The following GCNT2 variants were observed in gnomAD, a reference collection of about 807,000 sequenced individuals.
The protein encoded by GCNT2 is N-acetyllactosaminide beta-1,6-N-acetylglucosaminyl-transferase.
GCNT2 carries 34 observed loss-of-function variants against 34.2 expected under a neutral mutation model. The observed-to-expected ratio is 1.00, with a 90% CI of 0.76 to 1.32. The LOEUF is 1.32. Among genes scored for constraint, GCNT2 ranks in the 40% most tolerant of loss-of-function variants. The pLI is 0.00. For synonymous variants in GCNT2, 212 were observed against 188.0 expected (o/e 1.13, Z -1.04); for missense variants, 584 against 489.4 (o/e 1.19, Z -1.82).
chr6:10,569,225 A>C (rs1581420996), intron 3 of GCNT2, among the ~76,000 whole-genome samples: 49 of 130,632 alleles, frequency 3.8e-4, no homozygotes, highest in South Asian at 4.9e-4. Flanking sequence ...CCTGCCACCC[A>C]CTCCCCCCGC....
At chr6:10,616,897 G>A (rs574040777) in intron 3 of GCNT2, among the ~76,000 whole-genome samples, 1 of 152,302 alleles carries the variant, frequency 6.6e-6, no homozygotes, top group South Asian at 2.1e-4. Context: ...TACAAACCTT[G>A]AGCTAGAGAC....
At chr6:10,615,096 G>A (rs770419035) in intron 3 of GCNT2, among the ~76,000 whole-genome samples, 4 of 152,192 alleles carry the variant, frequency 2.6e-5, no homozygotes, top group African/African-American at 4.8e-5. Flanking sequence ...AGTGAGAATA[G>A]TTAGTAAGAG....
intron 3 of GCNT2, among the ~76,000 whole-genome samples, chr6:10,539,328 T>C (rs1761932275): frequency 6.6e-6 from 1 of 151,834 alleles, no homozygotes; most frequent in Admixed American, 6.6e-5. Context: ...TTGCTGGGAT[T>C]ACAGGTATGC....
intron 3 of GCNT2, chr6:10,586,548 G>C: frequency 6.2e-7 from 1 of 1,614,050 alleles, no homozygotes; most frequent in South Asian, 1.1e-5. Context: ...CTGGAAGTAC[G>C]TCATCAACAC....
intron 3 of GCNT2, among the ~76,000 whole-genome samples, chr6:10,585,208 GTCT>G (rs1388886782): frequency 2.0e-5 from 3 of 152,090 alleles, no homozygotes; most frequent in Admixed American, 2.0e-4. Context: ...AAGAGACAGG[GTCT>G]CACTGTCGCC....
Position 10,564,600 on chromosome 6 carries a change from C to CT in GCNT2, c.925+34765dup, listed in dbSNP as rs374265015. On this transcript the variant is annotated intron_variant, in intron 3 of 4. Transcript: ENST00000495262. ...GGCACAGATGGCAGAAGCCTGGACC[C>CT]TGCAGCCAGATGGCCTGAATGTGAA... 4.3e-3 allele frequency among the ~76,000 whole-genome samples: 652 copies of CT among 152,348 alleles called. 6 individuals are homozygous for CT. The highest frequency in any genetic ancestry group is 0.015 in the African/African-American group (629 of 41,576).
intron 3 of GCNT2, chr6:10,555,648 C>T: frequency 3.2e-6 from 2 of 623,022 alleles, no homozygotes; most frequent in African/African-American, 2.0e-5. Context: ...GAGAGGGGTT[C>T]GTTTCAGAGT....
intron 3 of GCNT2, among the ~76,000 whole-genome samples, chr6:10,582,403 A>C (rs1195030980): frequency 1.6e-5 from 2 of 124,388 alleles, no homozygotes; most frequent in Non-Finnish European, 3.1e-5. Context: ...TACTATAATA[A>C]ATAGTATAAT....
At chr6:10,532,602 G>T (rs1389848118) in intron 3 of GCNT2, among the ~76,000 whole-genome samples, 2 of 152,230 alleles carry the variant, frequency 1.3e-5, no homozygotes, top group East Asian at 1.9e-4. Flanking sequence ...CTTCCAAGAG[G>T]CTGGGACTAC....
chr6:10,533,829 ATGT>A (rs1761625753), intron 3 of GCNT2, among the ~76,000 whole-genome samples: 1 of 135,074 alleles, frequency 7.4e-6, no homozygotes, highest in African/African-American at 2.7e-5. Context: ...AAAAAAAAGA[ATGT>A]ATTTTATTTA....
At chr6:10,608,379 T>TA (rs1237072379) in intron 3 of GCNT2, among the ~76,000 whole-genome samples, 1 of 152,256 alleles carries the variant, frequency 6.6e-6, no homozygotes, top group East Asian at 1.9e-4. Flanking sequence ...CGCCTGGCGA[T>TA]ATGCACATTT....
At chr6:10,595,681 GAAAA>G (rs71548852) in intron 3 of GCNT2, among the ~76,000 whole-genome samples, 64 of 151,944 alleles carry the variant, frequency 4.2e-4, no homozygotes, top group African/African-American at 1.4e-3. Context: ...GCCAAGATCT[GAAAA>G]AAAATGAGAG....
intron 3 of GCNT2, among the ~76,000 whole-genome samples, chr6:10,541,084 A>G (rs1762017746): frequency 6.6e-6 from 1 of 152,134 alleles, no homozygotes; most frequent in Non-Finnish European, 1.5e-5. Flanking sequence ...CGTGTGCCAC[A>G]GTGGTTTACC....
chr6:10,560,605 T>A (rs142838654), intron 3 of GCNT2, among the ~76,000 whole-genome samples: 46 of 152,184 alleles, frequency 3.0e-4, no homozygotes, highest in Non-Finnish European at 5.4e-4. Context: ...CCAAGAGCAA[T>A]GTGACCGAGA....
intron 3 of GCNT2, among the ~76,000 whole-genome samples, chr6:10,537,722 AAAAAC>A (rs1561784297): frequency 4.2e-5 from 6 of 142,214 alleles, no homozygotes; most frequent in East Asian, 2.1e-4. Flanking sequence ...AAAAAAAAAA[AAAAAC>A]AAAACAAAGA....
chr6:10,617,747 C>CCTTT (rs1554138285), intron 3 of GCNT2, among the ~76,000 whole-genome samples: 1 of 114,296 alleles, frequency 8.7e-6, no homozygotes, highest in African/African-American at 4.2e-5. Context: ...GTCTGCATTT[C>CCTTT]TTCTTTTTTT....
At chr6:10,581,145 A>T (rs531548336) in intron 3 of GCNT2, among the ~76,000 whole-genome samples, 4 of 152,358 alleles carry the variant, frequency 2.6e-5, no homozygotes, top group African/African-American at 9.6e-5. Context: ...ACCTACTGCT[A>T]GGGCCAGCCA....
In GCNT2 at chr6:10,539,347, G is replaced by C. The variant is rs1018062438; in HGVS notation, c.925+9511G>C. The stretch of plus-strand genomic sequence containing the variant: ...TGGGATTACAGGTATGCACTACCAC[G>C]CCTGGCAAATTTTGTATTTTTAGTA... On this transcript the variant is annotated intron_variant, in intron 3 of 4. Coordinates refer to ENST00000495262, the MANE Select transcript of GCNT2 (RefSeq NM_145649.5). Among the ~76,000 whole-genome samples, 5 of 151,652 alleles carry C rather than the reference G, an allele frequency of 3.3e-5. No individual in the cohort carries two copies. The East Asian group carries it at 9.7e-4, about 29-fold the overall frequency.
chr6:10,580,096 C>T (rs1012992513), intron 3 of GCNT2, among the ~76,000 whole-genome samples: 2 of 152,202 alleles, frequency 1.3e-5, no homozygotes, highest in African/African-American at 4.8e-5. Context: ...AGGATGTAAG[C>T]TTTGATGCTT....
Sources: gnomAD v4.1 joint callset for allele counts (sites outside exome capture counted in the v4.1 genomes callset) on GRCh38, gnomAD v4.1.1 for gene constraint, MANE v1.5 for transcripts, NCBI Gene and HGNC (gene_info 2026-07-23, HGNC 2026-07-21) for gene names.